Variants in LRRFIP1 observed in about 807,000 individuals in gnomAD.
LRRFIP1 encodes leucine-rich repeat flightless-interacting protein 1.
Under a neutral mutation model 104.4 loss-of-function variants are expected in LRRFIP1, and 62 were observed. That is an observed-to-expected ratio of 0.59 (90% confidence interval 0.48 to 0.73). LRRFIP1 has a LOEUF of 0.73. LRRFIP1 is among the 30% of genes least tolerant of loss of function. The pLI, the probability that LRRFIP1 is intolerant of heterozygous loss-of-function variation, is 0.00. For missense variants in LRRFIP1, 796 were observed against 824.5 expected (o/e 0.97, Z 0.42); for synonymous variants, 300 against 299.0 (o/e 1.00, Z -0.03).
chr2:237,753,120 A>G (rs900277111), intron 14 of LRRFIP1, among the ~76,000 whole-genome samples, 189 bp from the exon 15 acceptor site: 2 of 152,198 alleles, frequency 1.3e-5, no homozygotes, highest in African/African-American at 4.8e-5. Context: ...GAGCAATGAG[A>G]ATTTGACCAA....
chr2:237,670,519 G>A (rs538710005), intron 1 of LRRFIP1, among the ~76,000 whole-genome samples: 5 of 152,370 alleles, frequency 3.3e-5, no homozygotes, highest in African/African-American at 7.2e-5. Flanking sequence ...ACTACAGTAC[G>A]TGCCTCACCG....
At chr2:237,749,377 G>T in intron 13 of LRRFIP1, 53 bp downstream of exon 13, 1 of 1,579,470 alleles carries the variant, frequency 6.3e-7, no homozygotes. Flanking sequence ...GTAAAAATCA[G>T]TCTTTAGATT....
At chr2:237,751,339 C>A in intron 14 of LRRFIP1, 68 bp downstream of exon 14, 1 of 1,252,208 alleles carries the variant, frequency 8.0e-7, no homozygotes, top group Non-Finnish European at 1.1e-6. Flanking sequence ...AAACAACATC[C>A]TAAAGAAGAA....
At chr2:237,679,606 T>A (rs2091567777) in intron 1 of LRRFIP1, among the ~76,000 whole-genome samples, 1 of 152,234 alleles carries the variant, frequency 6.6e-6, no homozygotes, top group Non-Finnish European at 1.5e-5. Flanking sequence ...TCCTATATCC[T>A]ACCGTAATGA....
chr2:237,669,832 G>T (rs1342552425), intron 1 of LRRFIP1, among the ~76,000 whole-genome samples: 1 of 152,204 alleles, frequency 6.6e-6, no homozygotes, highest in Non-Finnish European at 1.5e-5. Flanking sequence ...CAGTGGCTGA[G>T]TAGCAGAAGC....
intron 1 of LRRFIP1, chr2:237,684,417 A>G: frequency 6.6e-6 from 1 of 152,100 alleles, no homozygotes; most frequent in Non-Finnish European, 1.5e-5. Flanking sequence ...CGGAGGCTGC[A>G]GTGAGCCGAG....
At chr2:237,645,600 A>C (rs2084767498) in intron 1 of LRRFIP1, among the ~76,000 whole-genome samples, 1 of 151,284 alleles carries the variant, frequency 6.6e-6, no homozygotes, top group South Asian at 2.1e-4. Flanking sequence ...CTTGGGAGAT[A>C]ATTCTGTTAA....
chr2:237,760,255 G>T (rs777586906), intron 19 of LRRFIP1, 50 bp downstream of exon 19: 2 of 1,601,454 alleles, frequency 1.2e-6, no homozygotes, highest in African/African-American at 2.7e-5. Context: ...CTCAGCATTG[G>T]TTCACCCTCC....
In LRRFIP1 at chr2:237,730,534, C is replaced by T. The variant is rs550670927; in HGVS notation, c.444+2599C>T. On this transcript the variant is annotated intron_variant, in intron 8 of 23. Transcript: ENST00000308482. ...CATCTAGAACAGAAGCCACCGGCACCGGAGACCAGTACAGGAGTGAACAGA... is the reference window on the plus strand; with the variant it reads ...CATCTAGAACAGAAGCCACCGGCACTGGAGACCAGTACAGGAGTGAACAGA... Among the ~76,000 whole-genome samples, 26 of 152,184 alleles carry T rather than the reference C, an allele frequency of 1.7e-4. No individual in the cohort carries two copies. The South Asian group carries it at 3.9e-3, about 23-fold the overall frequency.
intron 1 of LRRFIP1, among the ~76,000 whole-genome samples, chr2:237,704,998 A>G (rs2093732404): frequency 6.6e-6 from 1 of 152,016 alleles, no homozygotes; most frequent in Non-Finnish European, 1.5e-5. Context: ...CATGATGGGA[A>G]CCTTTTCCTG....
intron 1 of LRRFIP1, 125 bp from the exon 2 acceptor site, chr2:237,708,419 G>A (rs1315805239): frequency 3.0e-6 from 2 of 665,288 alleles, no homozygotes; most frequent in African/African-American, 3.6e-5. Context: ...CTATGAATCT[G>A]GAATTTATTG....
At chr2:237,704,127 T>C (rs1045708768) in intron 1 of LRRFIP1, among the ~76,000 whole-genome samples, 3 of 151,200 alleles carry the variant, frequency 2.0e-5, no homozygotes, top group Non-Finnish European at 4.4e-5. Context: ...TGGGGAAGAA[T>C]TTTGTCGAAA....
At chr2:237,776,363 T>C (rs2061097759) in intron 23 of LRRFIP1, among the ~76,000 whole-genome samples, 2 of 152,240 alleles carry the variant, frequency 1.3e-5, no homozygotes. Context: ...TGATACATGA[T>C]TCACTTTTGT....
chr2:237,702,240 CTCGAG>C (rs1262437832), intron 1 of LRRFIP1, among the ~76,000 whole-genome samples: 4 of 152,308 alleles, frequency 2.6e-5, no homozygotes, highest in Admixed American at 2.6e-4. Flanking sequence ...AACAATAGAA[CTCGAG>C]TCGTGGTTCG....
chr2:237,641,877 A>G (rs1169137495), intron 1 of LRRFIP1, among the ~76,000 whole-genome samples: 1 of 152,178 alleles, frequency 6.6e-6, no homozygotes, highest in Non-Finnish European at 1.5e-5. Context: ...GACACTTGGG[A>G]GGACTTCCAG....
At chr2:237,739,628 C>T (rs1278340981) in intron 11 of LRRFIP1, among the ~76,000 whole-genome samples, 3 of 152,126 alleles carry the variant, frequency 2.0e-5, no homozygotes, top group African/African-American at 7.2e-5. Flanking sequence ...TGATCAGACC[C>T]CGACAGTGTT....
At chr2:237,708,266 C>T (rs185624050) in intron 1 of LRRFIP1, among the ~76,000 whole-genome samples, 3 of 152,314 alleles carry the variant, frequency 2.0e-5, no homozygotes, top group African/African-American at 7.2e-5. Flanking sequence ...GTAACAGTCT[C>T]GGCCTAATGA....
chr2:237,756,346 C>T (rs1223179148), intron 16 of LRRFIP1, among the ~76,000 whole-genome samples, 159 bp downstream of exon 16: 1 of 152,170 alleles, frequency 6.6e-6, no homozygotes, highest in Non-Finnish European at 1.5e-5. Context: ...GCTGGGAGTC[C>T]AAGATCAAGG....
At position 237,748,297 on chromosome 2, in the gene LRRFIP1, C is replaced by A. The variant is rs997286063; in HGVS notation, c.634-67C>A. 8 of 1,115,140 alleles carry A rather than the reference C, an allele frequency of 7.2e-6. No homozygotes were observed. In the Admixed American group the frequency reaches 9.1e-5, roughly 13 times the overall value. The allele number at this position is 1,115,140 out of a possible 1,614,324, so 69.1% of individuals were successfully genotyped here. ...GTTTTGTTTTGTTTATCATTCATAGCCCCATCTTCATGTTATCCATTTAAT... is the reference window on the plus strand; with the variant it reads ...GTTTTGTTTTGTTTATCATTCATAGACCCATCTTCATGTTATCCATTTAAT... On this transcript the variant is annotated intron_variant, in intron 11 of 23. Coordinates refer to ENST00000308482, the MANE Select transcript of LRRFIP1 (RefSeq NM_001137550.2).
Sources: allele counts gnomAD v4.1 joint callset (sites outside exome capture counted in the v4.1 genomes callset), GRCh38; gene constraint gnomAD v4.1.1; transcripts MANE v1.5; gene names NCBI Gene and HGNC (gene_info 2026-07-23, HGNC 2026-07-21).